Variants in GRID1 observed in about 807,000 individuals in gnomAD.
GRID1 encodes the protein glutamate receptor ionotropic, delta-1.
GRID1 carries 28 observed loss-of-function variants against 98.0 expected under a neutral mutation model. The ratio of observed to expected loss-of-function variants is 0.29; its 90% CI spans 0.21 to 0.39. The LOEUF (loss-of-function observed/expected upper bound fraction) is 0.39, where lower values mean the gene tolerates loss of function less well. Among genes scored for constraint, GRID1 ranks in the 10% least tolerant of loss-of-function variants. GRID1 has a pLI of 1.00. For synonymous variants in GRID1, 553 were observed against 538.5 expected, an observed-to-expected ratio of 1.03 and a Z score of -0.37; for missense variants, 1,111 against 1,340.5, an observed-to-expected ratio of 0.83 and a Z score of 2.67.
At chr10:85,903,107 A>C (rs10887536) in intron 5 of GRID1, among the ~76,000 whole-genome samples, 54,914 of 151,872 alleles carry the variant, frequency 0.36, 10,841 homozygotes, top group Middle Eastern at 0.52. Flanking sequence ...ATTCATATCA[A>C]CAGCTTTACC....
At chr10:86,336,884 G>A (rs1304263729) in intron 2 of GRID1, among the ~76,000 whole-genome samples, 6 of 139,966 alleles carry the variant, frequency 4.3e-5, no homozygotes, top group East Asian at 2.1e-4. Flanking sequence ...TCGCTCTGTC[G>A]CCCAGGCTGG....
chr10:86,214,221 A>AC (rs1431636095), intron 2 of GRID1, among the ~76,000 whole-genome samples: 19 of 152,226 alleles, frequency 1.2e-4, no homozygotes, highest in Admixed American at 2.0e-4. Flanking sequence ...AGCATACTCC[A>AC]CACCCTATGC....
intron 15 of GRID1, 53 bp downstream of exon 15, chr10:85,613,354 T>G: frequency 6.4e-7 from 1 of 1,558,560 alleles, no homozygotes. Flanking sequence ...TGGCCCAGTG[T>G]GACACTCCTG....
chr10:85,723,214 C>T, intron 11 of GRID1, 73 bp from the exon 12 acceptor site: 1 of 1,454,350 alleles, frequency 6.9e-7, no homozygotes, highest in East Asian at 2.5e-5. Flanking sequence ...GGTGTTCTGC[C>T]CTGCAGCCAG....
intron 5 of GRID1, among the ~76,000 whole-genome samples, chr10:85,899,849 C>T (rs1332544831): frequency 6.6e-6 from 1 of 152,200 alleles, no homozygotes; most frequent in Non-Finnish European, 1.5e-5. Context: ...CTCATTGCCT[C>T]AGTAGCTGAC....
chr10:86,154,536 G>T (rs1407182277), intron 3 of GRID1, among the ~76,000 whole-genome samples: 2 of 152,112 alleles, frequency 1.3e-5, no homozygotes, highest in African/African-American at 4.8e-5. Flanking sequence ...ATCCAAGGGG[G>T]TCCATCCCAG....
chr10:86,060,581 G>A (rs982811350), intron 4 of GRID1, among the ~76,000 whole-genome samples: 3 of 152,200 alleles, frequency 2.0e-5, no homozygotes, highest in Admixed American at 6.5e-5. Context: ...CATCTGCCCC[G>A]CTCTAAAGCC....
chr10:85,917,135 C>T (rs538011486), intron 4 of GRID1, among the ~76,000 whole-genome samples: 1 of 152,264 alleles, frequency 6.6e-6, no homozygotes, highest in Non-Finnish European at 1.5e-5. Flanking sequence ...TTGGAAGAGA[C>T]TGATGGTTTC....
At chr10:85,665,287 G>A (rs912366629) in intron 12 of GRID1, among the ~76,000 whole-genome samples, 14 of 152,088 alleles carry the variant, frequency 9.2e-5, no homozygotes, top group South Asian at 2.1e-4. Flanking sequence ...GATGAAGGGC[G>A]TCAACCTACA....
chr10:86,304,594 G>A (rs1486890223), intron 2 of GRID1, among the ~76,000 whole-genome samples: 1 of 152,260 alleles, frequency 6.6e-6, no homozygotes, highest in Non-Finnish European at 1.5e-5. Context: ...GGCAGAAAGA[G>A]AAACTGGGAG....
intron 8 of GRID1, among the ~76,000 whole-genome samples, chr10:85,788,665 G>A (rs867348612): frequency 5.9e-5 from 9 of 152,222 alleles, no homozygotes; most frequent in Middle Eastern, 3.2e-3. Flanking sequence ...TTATTCTTCC[G>A]TTAGGAAAGT....
chr10:85,992,616 G>A (rs948716397), intron 4 of GRID1, among the ~76,000 whole-genome samples: 5 of 112,834 alleles, frequency 4.4e-5, no homozygotes, highest in Admixed American at 3.3e-4. Context: ...GAGGAGAGGT[G>A]GGGGGGGAAC....
intron 4 of GRID1, among the ~76,000 whole-genome samples, chr10:86,015,043 T>C (rs1377831626): frequency 6.6e-6 from 1 of 152,220 alleles, no homozygotes; most frequent in East Asian, 1.9e-4. Context: ...ATATTTAACA[T>C]TGAGTCCCTC....
chr10:85,600,747 T>C lies in GRID1; in HGVS notation c.*1526A>G, dbSNP rs1842562272. 1 of 152,240 alleles carries C rather than the reference T, an allele frequency of 6.6e-6. No homozygotes were observed. Among genetic ancestry groups the C allele is most frequent in the African/African-American group, 2.4e-5 (1 of 41,452 alleles). The allele number at this position is 152,240 out of a possible 1,614,324, so 9.4% of individuals were successfully genotyped here. ...TGGTTCTTTCCCTGATTCTGTAGTT[T>C]AGTTGCCTCAGAAAGGGCAACTGAA... is the stretch of plus-strand genomic sequence containing the variant. On this transcript the variant is annotated 3_prime_UTR_variant, in exon 16 of 16. Coordinates refer to ENST00000327946, the MANE Select transcript of GRID1 (RefSeq NM_017551.3).
intron 8 of GRID1, among the ~76,000 whole-genome samples, chr10:85,771,128 C>G (rs1266250138): frequency 6.6e-6 from 1 of 152,196 alleles, no homozygotes; most frequent in Non-Finnish European, 1.5e-5. Flanking sequence ...GATCTCTCGG[C>G]AGAAACTCTA....
At chr10:86,025,452 T>C (rs61856023) in intron 4 of GRID1, among the ~76,000 whole-genome samples, 8,368 of 152,262 alleles carry the variant, frequency 0.055, 291 homozygotes, top group Middle Eastern at 0.088. Flanking sequence ...TTATTAGAAT[T>C]GGCTTCCCCC....
chr10:85,866,427 G>T (rs1192025616), intron 6 of GRID1, among the ~76,000 whole-genome samples: 4 of 147,742 alleles, frequency 2.7e-5, no homozygotes, highest in Non-Finnish European at 4.5e-5. Flanking sequence ...CTTAGGACAA[G>T]AAGTGTTTTT....
intron 4 of GRID1, among the ~76,000 whole-genome samples, chr10:85,966,756 G>A (rs960151639): frequency 5.9e-5 from 9 of 152,006 alleles, no homozygotes; most frequent in Non-Finnish European, 8.8e-5. Flanking sequence ...AGAGGTTTCA[G>A]TGAGCCAAGA....
At chr10:85,868,963 T>G in intron 6 of GRID1, 47 bp downstream of exon 6, 37 of 1,544,586 alleles carry the variant, frequency 2.4e-5, no homozygotes, top group Non-Finnish European at 3.0e-5. Flanking sequence ...AGGGTGTGGG[T>G]GAGACTCTTG....
Sources: allele counts gnomAD v4.1 joint callset (sites outside exome capture counted in the v4.1 genomes callset), GRCh38; gene constraint gnomAD v4.1.1; transcripts MANE v1.5; gene names NCBI Gene and HGNC (gene_info 2026-07-23, HGNC 2026-07-21).